Variants in ITGA4 observed in about 807,000 individuals in gnomAD.
The protein encoded by ITGA4 is integrin alpha-4.
Under a neutral mutation model 133.6 loss-of-function variants are expected in ITGA4, and 63 were observed. The ratio of observed to expected loss-of-function variants is 0.47; its 90% CI spans 0.38 to 0.58. ITGA4 has a LOEUF of 0.58. Among genes scored for constraint, ITGA4 ranks in the 20% least tolerant of loss-of-function variants. The pLI, the probability that ITGA4 is intolerant of heterozygous loss-of-function variation, is 0.00. For synonymous variants in ITGA4, 483 were observed against 438.0 expected, an observed-to-expected ratio of 1.10 and a Z score of -1.28; for missense variants, 1,076 against 1,252.7, an observed-to-expected ratio of 0.86 and a Z score of 2.13.
chr2:181,501,070 T>C (rs537241896), intron 15 of ITGA4, among the ~76,000 whole-genome samples: 1 of 152,200 alleles, frequency 6.6e-6, no homozygotes, highest in Admixed American at 6.5e-5. Flanking sequence ...AAGTTACCCA[T>C]GTAGATATCT....
At chr2:181,473,466 C>T (rs1244813749) in intron 2 of ITGA4, among the ~76,000 whole-genome samples, 1 of 152,178 alleles carries the variant, frequency 6.6e-6, no homozygotes, top group Non-Finnish European at 1.5e-5. Context: ...AACCACTGAC[C>T]TAGGGTAATC....
chr2:181,479,002 A>G (rs1685743593), intron 5 of ITGA4, 178 bp downstream of exon 5: 2 of 401,028 alleles, frequency 5.0e-6, no homozygotes, highest in Non-Finnish European at 9.2e-6. Context: ...TATTTCAATA[A>G]AATATCAATA....
intron 2 of ITGA4, among the ~76,000 whole-genome samples, chr2:181,471,610 C>G (rs568612329): frequency 2.0e-4 from 30 of 152,130 alleles, no homozygotes; most frequent in African/African-American, 6.7e-4. Flanking sequence ...GAAATTTTAT[C>G]TATATATTAG....
chr2:181,530,297 T>G (rs1244940914), intron 23 of ITGA4, among the ~76,000 whole-genome samples: 2 of 152,270 alleles, frequency 1.3e-5, no homozygotes, highest in Non-Finnish European at 2.9e-5. Context: ...AAGGCCATTT[T>G]ATCAGCTTAG....
At chr2:181,528,669 C>T (rs141009638) in intron 22 of ITGA4, among the ~76,000 whole-genome samples, 1 of 152,308 alleles carries the variant, frequency 6.6e-6, no homozygotes, top group East Asian at 1.9e-4. Flanking sequence ...TATGGATTAG[C>T]AATTACCACC....
At position 181,469,339 on chromosome 2, in the gene ITGA4, G is replaced by A. The variant is rs565001828; in HGVS notation, c.320-5621G>A. On this transcript the variant is annotated intron_variant, in intron 2 of 27. Coordinates refer to ENST00000397033, the MANE Select transcript of ITGA4 (RefSeq NM_000885.6). ...TTAATACATCAAGCTTGTCCATGTG[G>A]TCCAGGATGGCTTTGAATGCTGCCC... 4.6e-5 allele frequency among the ~76,000 whole-genome samples: 7 copies of A among 152,240 alleles called. No homozygotes were observed. In the South Asian group the frequency reaches 1.5e-3, roughly 32 times the overall value.
In ITGA4 at chr2:181,481,738, G is replaced by A. The variant is rs181649094; in HGVS notation, c.840+55G>A. The A allele has an allele frequency of 1.5e-3, 1,166 of 784,694 alleles. 17 individuals are homozygous for A. The highest frequency in any genetic ancestry group is 1.9e-4 in the Non-Finnish European group (89 of 479,836). The allele number at this position is 784,694 out of a possible 1,614,324, so 48.6% of individuals were successfully genotyped here. On this transcript the variant is annotated intron_variant, in intron 7 of 27. Transcript: ENST00000397033. The stretch of plus-strand genomic sequence containing the variant: ...TCACAAAGGTTCAAATATATTGCAT[G>A]AATAAGATATTAAAGGAGAAACTGT...
Position 181,478,757 on chromosome 2 carries a change from AT to A in ITGA4, c.559del (p.Tyr187MetfsTer2). On this transcript the variant is annotated frameshift_variant and splice_region_variant, in exon 5 of 28. Transcript: ENST00000397033. LOFTEE classifies it high-confidence loss of function. ...GAGTTGTTTTAATATTTCATTTTAG[AT>A]TATGTGAAAAAATTTGGAGAAAATT... Reference protein sequence around the residue: ...LSKRIAPCYQDYVKKFGENFA... With the variant: ...LSKRIAPCYQXYVKKFGENFA... 1 of 1,365,996 alleles carries A rather than the reference AT, an allele frequency of 7.3e-7. No individual in the cohort carries two copies. Among genetic ancestry groups the A allele is most frequent in the South Asian group, 1.5e-5 (1 of 68,344 alleles). 84.6% of individuals were successfully genotyped at this position (1,365,996 alleles called of 1,614,324 possible).
In ITGA4 at chr2:181,538,351, C is replaced by G. The variant is rs556123921; in HGVS notation, c.*2824C>G. 4.5e-6 allele frequency: 3 copies of G among 672,882 alleles called. No individual in the cohort carries two copies. The highest frequency in any genetic ancestry group is 8.1e-6 in the Non-Finnish European group (3 of 369,488). 41.7% of individuals were successfully genotyped at this position (672,882 alleles called of 1,614,324 possible). A position where few individuals can be genotyped will look rare whatever the true frequency, so the allele number is the denominator to read the frequency against. ...GCCAAATACAAATTGATAACAAACACAGCATTCCCAACAGAGCTGTAATCT... is the reference window on the plus strand; with the variant it reads ...GCCAAATACAAATTGATAACAAACAGAGCATTCCCAACAGAGCTGTAATCT... On this transcript the variant is annotated 3_prime_UTR_variant, in exon 28 of 28. Coordinates refer to ENST00000397033, the MANE Select transcript of ITGA4 (RefSeq NM_000885.6).
chr2:181,530,774 T>G (rs1686928856), intron 24 of ITGA4, 125 bp downstream of exon 24: 1 of 835,942 alleles, frequency 1.2e-6, no homozygotes, highest in South Asian at 1.8e-5. Context: ...TAGGTAGTAT[T>G]CTTGCGTGGA....
rs1422665204 is a variant in ITGA4, at chr2:181,503,679, A to G, written c.1695+4902A>G. The stretch of plus-strand genomic sequence containing the variant: ...AGCCATACAATTATTAGATTTTGCT[A>G]ATGAGTTAGAATGATATTTCTGTAA... On this transcript the variant is annotated intron_variant, in intron 15 of 27. Coordinates refer to ENST00000397033, the MANE Select transcript of ITGA4 (RefSeq NM_000885.6). Among the ~76,000 whole-genome samples, 3 of 149,884 alleles carry G rather than the reference A, an allele frequency of 2.0e-5. No homozygotes were observed. The East Asian group carries it at 5.9e-4, about 30-fold the overall frequency.
chr2:181,525,163 G>A, intron 20 of ITGA4, 39 bp from the exon 21 acceptor site: 1 of 1,158,378 alleles, frequency 8.6e-7, no homozygotes, highest in Non-Finnish European at 1.3e-6. Context: ...AGATTTTTCT[G>A]CTTGGTGAAT....
At chr2:181,489,045 T>C (rs1187169033) in intron 10 of ITGA4, among the ~76,000 whole-genome samples, 1 of 152,136 alleles carries the variant, frequency 6.6e-6, no homozygotes, top group Non-Finnish European at 1.5e-5. Flanking sequence ...TTTTTCTTTA[T>C]GTGTTTCTTT....
chr2:181,498,605 T>G lies in ITGA4; in HGVS notation c.1541-18T>G. On this transcript the variant is annotated intron_variant, in intron 14 of 27. Coordinates refer to ENST00000397033, the MANE Select transcript of ITGA4 (RefSeq NM_000885.6). ...ATTTCAGTAATTAGATTAATTGCAA[T>G]TCTCTATATTTTTGCAGTTTTGTTT... 1 of 1,509,712 alleles carries G rather than the reference T, an allele frequency of 6.6e-7. No homozygotes were observed. The highest frequency in any genetic ancestry group is 9.1e-7 in the Non-Finnish European group (1 of 1,094,472). 93.5% of individuals were successfully genotyped at this position (1,509,712 alleles called of 1,614,324 possible). A position where few individuals can be genotyped will look rare whatever the true frequency, so the allele number is the denominator to read the frequency against.
In ITGA4 at chr2:181,516,822, C is replaced by T. The variant is rs1551031; in HGVS notation, c.1922+5047C>T. On this transcript the variant is annotated intron_variant, in intron 17 of 27. Coordinates refer to ENST00000397033, the MANE Select transcript of ITGA4 (RefSeq NM_000885.6). The surrounding 1 kb of genome is among the most constrained non-coding windows in gnomAD (Gnocchi z 4.0). ...CTAGACAATGAGCAAGGAGCAACAT[C>T]TGCCACCATGCTGTTAATTCCCGAA... 0.6 allele frequency among the ~76,000 whole-genome samples: 91,629 copies of T among 151,872 alleles called. 28,005 individuals are homozygous for T. The highest frequency in any genetic ancestry group is 0.84 in the South Asian group (4,037 of 4,830).
chr2:181,538,064 GA>G lies in ITGA4; in HGVS notation c.*2542del. On this transcript the variant is annotated 3_prime_UTR_variant, in exon 28 of 28. Transcript: ENST00000397033. ...TCCTGAAACCATTCCCCCATCCACG[GA>G]AAAATTGTCTTCCATGAAACTGGTC... 1.4e-6 allele frequency: 1 copy of G among 722,138 alleles called. No homozygotes were observed. Among genetic ancestry groups the G allele is most frequent in the Non-Finnish European group, 2.6e-6 (1 of 391,706 alleles). 44.7% of individuals were successfully genotyped at this position (722,138 alleles called of 1,614,324 possible). A position where few individuals can be genotyped will look rare whatever the true frequency, so the allele number is the denominator to read the frequency against.
intron 2 of ITGA4, among the ~76,000 whole-genome samples, chr2:181,460,239 CAATG>C (rs573317693): frequency 2.2e-3 from 329 of 152,266 alleles, no homozygotes; most frequent in African/African-American, 7.4e-3. Flanking sequence ...CCTAGTCAGT[CAATG>C]AGTTAAAACA....
chr2:181,482,378 G>C lies in ITGA4; in HGVS notation c.859G>C (p.Asp287His). The C allele has an allele frequency of 1.2e-6, 2 of 1,611,990 alleles. No homozygotes were observed. The highest frequency in any genetic ancestry group is 1.7e-6 in the Non-Finnish European group (2 of 1,178,956). Residue 287 changes from aspartate to histidine, a missense_variant, in exon 8 of 28, where the codon GAT (aspartate) becomes CAT (histidine). Asp to His is a moderately conservative substitution (Grantham distance 81). This residue lies in a region of ITGA4 where 436 missense variants were observed against 590.7 expected (regional missense o/e 0.74). Transcript: ENST00000397033. ...ATTACAGGCATATATATTCAGCATT[G>C]ATGAAAAAGAACTAAATATCTTACA... ...QIGKAYIFSI[D>H]EKELNILHEM...
intron 17 of ITGA4, among the ~76,000 whole-genome samples, chr2:181,514,412 CA>C (rs1195773645): frequency 6.6e-6 from 1 of 152,010 alleles, no homozygotes; most frequent in East Asian, 1.9e-4. Flanking sequence ...GTCCATAGTT[CA>C]GGGCCAAAAA....
Sources: gnomAD v4.1 joint callset for allele counts (sites outside exome capture counted in the v4.1 genomes callset) on GRCh38, gnomAD v4.1.1 for gene constraint, gnomAD v4.1.1 regional missense constraint, Gnocchi (gnomAD v3.1) non-coding constraint, MANE v1.5 for transcripts, NCBI Gene and HGNC (gene_info 2026-07-23, HGNC 2026-07-21) for gene names.